The following FGD4 variants were observed in gnomAD, a reference collection of about 807,000 sequenced individuals.
The protein encoded by FGD4 is FYVE, RhoGEF and PH domain containing 4.
FGD4 carries 42 observed loss-of-function variants against 102.0 expected under a neutral mutation model. That is an observed-to-expected ratio of 0.41 (90% CI 0.32 to 0.53). FGD4 has a LOEUF of 0.53. Among genes scored for constraint, FGD4 ranks in the 20% least tolerant of loss-of-function variants. The pLI is 0.21. For missense variants in FGD4, 902 were observed against 1,078.2 expected, an observed-to-expected ratio of 0.84 and a Z score of 2.29; for synonymous variants, 380 against 375.7, an observed-to-expected ratio of 1.01 and a Z score of -0.13.
At chr12:32,529,636 A>G (rs898827607) in intron 1 of FGD4, among the ~76,000 whole-genome samples, 3 of 151,196 alleles carry the variant, frequency 2.0e-5, no homozygotes, top group Non-Finnish European at 3.0e-5. Flanking sequence ...TGAGGTCAGG[A>G]GCTCGAGACC....
At chr12:32,496,065 C>G (rs1008124910) in intron 1 of FGD4, among the ~76,000 whole-genome samples, 1 of 152,070 alleles carries the variant, frequency 6.6e-6, no homozygotes, top group Non-Finnish European at 1.5e-5. Context: ...TAAATAAATC[C>G]CTGGTATCAA....
intron 10 of FGD4, among the ~76,000 whole-genome samples, chr12:32,615,493 A>T (rs1332974160): frequency 2.0e-5 from 3 of 152,200 alleles, no homozygotes; most frequent in African/African-American, 7.2e-5. Flanking sequence ...CAGATTAACT[A>T]TAAAAGTTCT....
Position 32,582,324 on chromosome 12 carries a change from G to C in FGD4, c.868G>C (p.Asp290His), listed in dbSNP as rs199902386. 1 of 1,614,222 alleles carries C rather than the reference G, an allele frequency of 6.2e-7. No homozygotes were observed. The highest frequency in any genetic ancestry group is 1.7e-5 in the Admixed American group (1 of 60,018). ...AGACAGCTGTGATGGAAATGCTTCT[G>C]ACAGTAGCTACAGGACTCCAGGCAT... is the stretch of plus-strand genomic sequence containing the variant. Reference protein sequence around the residue: ...TTDSCDGNASDSSYRTPGIGP... With the variant: ...TTDSCDGNASHSSYRTPGIGP... The change falls in exon 4 of 17, where the codon GAC (aspartate) becomes CAC (histidine). Residue 290 changes from aspartate to histidine, a missense_variant. Transcript: ENST00000534526.
intron 1 of FGD4, among the ~76,000 whole-genome samples, chr12:32,529,998 T>C (rs1159237873): frequency 6.6e-6 from 1 of 152,088 alleles, no homozygotes; most frequent in African/African-American, 2.4e-5. Flanking sequence ...TTTTTAAACA[T>C]TGTAGATTTA....
intron 1 of FGD4, among the ~76,000 whole-genome samples, chr12:32,521,253 C>T (rs1172208975): frequency 1.3e-5 from 2 of 151,044 alleles, no homozygotes; most frequent in Non-Finnish European, 3.0e-5. Context: ...TGGCATGCCT[C>T]TAATTCCAGC....
At chr12:32,464,162 T>G (rs1258528837) in intron 1 of FGD4, among the ~76,000 whole-genome samples, 1 of 152,154 alleles carries the variant, frequency 6.6e-6, no homozygotes, top group Non-Finnish European at 1.5e-5. Flanking sequence ...TTTTTTTGTT[T>G]GTTTGTTTGA....
chr12:32,536,581 T>C (rs1942281914), intron 1 of FGD4, among the ~76,000 whole-genome samples: 1 of 152,228 alleles, frequency 6.6e-6, no homozygotes, highest in Admixed American at 6.5e-5. Flanking sequence ...TTCTCTGATT[T>C]ATCTCCCACC....
At chr12:32,625,842 A>G in intron 14 of FGD4, 63 bp downstream of exon 14, 2 of 1,599,476 alleles carry the variant, frequency 1.3e-6, no homozygotes, top group Non-Finnish European at 1.7e-6. Flanking sequence ...AAAGTCATCA[A>G]CTAGGGACAC....
At chr12:32,446,818 G>C (rs1205579302) in intron 1 of FGD4, among the ~76,000 whole-genome samples, 2 of 152,188 alleles carry the variant, frequency 1.3e-5, no homozygotes, top group Non-Finnish European at 1.5e-5. Flanking sequence ...CCAAAGACCT[G>C]CAGTGGGGAC....
intron 1 of FGD4, among the ~76,000 whole-genome samples, chr12:32,535,638 T>C (rs374090420): frequency 1.9e-5 from 1 of 51,928 alleles, no homozygotes; most frequent in African/African-American, 1.4e-4. Flanking sequence ...AAATATGAAA[T>C]TAAAAAAAAA....
chr12:32,619,618 TGA>T, intron 10 of FGD4, 78 bp from the exon 11 acceptor site: 1 of 1,504,008 alleles, frequency 6.6e-7, no homozygotes. Flanking sequence ...GGCAACAGAG[TGA>T]GACTCTGTCT....
intron 1 of FGD4, among the ~76,000 whole-genome samples, chr12:32,518,573 A>G (rs573617700): frequency 9.8e-5 from 15 of 152,318 alleles, no homozygotes; most frequent in Admixed American, 3.3e-4. Context: ...ACATCTATCT[A>G]TATGGTATAT....
At chr12:32,638,129 A>C (rs1950957396) in intron 15 of FGD4, among the ~76,000 whole-genome samples, 1 of 152,192 alleles carries the variant, frequency 6.6e-6, no homozygotes, top group Non-Finnish European at 1.5e-5. Context: ...TGGGAGGCCA[A>C]GGTGGGAGGA....
At chr12:32,516,820 C>A (rs894214996) in intron 1 of FGD4, among the ~76,000 whole-genome samples, 10 of 151,930 alleles carry the variant, frequency 6.6e-5, no homozygotes, top group African/African-American at 2.4e-4. Flanking sequence ...TATGAAGGTA[C>A]CAAAAGTTTA....
chr12:32,463,757 G>T (rs1943174229), intron 1 of FGD4, among the ~76,000 whole-genome samples: 1 of 152,190 alleles, frequency 6.6e-6, no homozygotes, highest in Admixed American at 6.5e-5. Flanking sequence ...ATTGAAATGA[G>T]AACTCAGGCT....
intron 1 of FGD4, among the ~76,000 whole-genome samples, chr12:32,513,351 G>T (rs1445299974): frequency 6.6e-6 from 1 of 152,168 alleles, no homozygotes; most frequent in Non-Finnish European, 1.5e-5. Flanking sequence ...GGAGTGGAAT[G>T]GTTGGAATCT....
At position 32,625,748 on chromosome 12, in the gene FGD4, G is replaced by A. The variant is rs372890690; in HGVS notation, c.2141G>A (p.Arg714Gln). ...KCKEPFNALTRRRHHCRACGY... is the reference protein window; with the variant it reads ...KCKEPFNALTQRRHHCRACGY... ...AAAGAACCTTTCAATGCACTGACAC[G>A]AAGGAGGCATCATTGTCGAGCATGT... is the stretch of plus-strand genomic sequence containing the variant. The change falls in exon 14 of 17, where the codon CGA becomes CAA. Residue 714 changes from arginine (R) to glutamine (Q), a missense_variant. Coordinates refer to ENST00000534526, the MANE Select transcript of FGD4 (RefSeq NM_001370298.3). 6.2e-6 allele frequency: 10 copies of A among 1,613,922 alleles called. No homozygotes were observed. The highest frequency in any genetic ancestry group is 1.1e-5 in the South Asian group (1 of 91,084).
intron 10 of FGD4, among the ~76,000 whole-genome samples, chr12:32,615,241 C>T (rs2016294185): frequency 1.3e-5 from 2 of 152,092 alleles, no homozygotes; most frequent in African/African-American, 4.8e-5. Context: ...CAGTATGGTT[C>T]TATTTATATG....
At chr12:32,445,500 G>A (rs1456239647) in intron 1 of FGD4, among the ~76,000 whole-genome samples, 1 of 152,176 alleles carries the variant, frequency 6.6e-6, no homozygotes, top group Non-Finnish European at 1.5e-5. Context: ...GAGGACTGAA[G>A]AACACATCTC....
Sources: gnomAD v4.1 joint callset for allele counts (sites outside exome capture counted in the v4.1 genomes callset) on GRCh38, gnomAD v4.1.1 for gene constraint, MANE v1.5 for transcripts, NCBI Gene and HGNC (gene_info 2026-07-23, HGNC 2026-07-21) for gene names.